Variants in TRPM1 observed in about 807,000 individuals in gnomAD.
The protein encoded by TRPM1 is transient receptor potential cation channel subfamily M member 1, also known as TRPM1-203 APA Isoform, Intron 10.
In TRPM1, 113 loss-of-function variants were observed where a neutral mutation model predicts 149.4. The ratio of observed to expected loss-of-function variants is 0.76; its 90% CI spans 0.65 to 0.88. TRPM1 has a LOEUF of 0.88. TRPM1 is among the 40% of genes least tolerant of loss of function. The pLI is 0.00. For synonymous variants in TRPM1, 741 were observed against 759.5 expected (o/e 0.98, Z 0.40); for missense variants, 1,976 against 2,038.7 (o/e 0.97, Z 0.59).
At chr15:31,035,856 G>T (rs185200967) in intron 20 of TRPM1, 182 bp from the exon 21 acceptor site, 2 of 812,142 alleles carry the variant, frequency 2.5e-6, no homozygotes, top group Non-Finnish European at 2.0e-6. Context: ...GAGGCAGGAC[G>T]GGAGGCATTT....
At chr15:31,035,762 T>C in intron 20 of TRPM1, 88 bp from the exon 21 acceptor site, 1 of 1,574,630 alleles carries the variant, frequency 6.4e-7, no homozygotes, top group Non-Finnish European at 8.7e-7. Flanking sequence ...GGTTGACACA[T>C]CTAAAAGAAT....
At chr15:31,091,504 A>T (rs900984239) in intron 1 of TRPM1, among the ~76,000 whole-genome samples, 2 of 152,162 alleles carry the variant, frequency 1.3e-5, no homozygotes, top group South Asian at 4.1e-4. Flanking sequence ...GAGACCCAGG[A>T]TGGGGCAGAT....
intron 25 of TRPM1, 121 bp downstream of exon 25, chr15:31,028,211 C>T (rs2032876252): frequency 2.3e-6 from 3 of 1,332,718 alleles, no homozygotes; most frequent in Non-Finnish European, 3.2e-6. Flanking sequence ...ATTGGATCTA[C>T]TTAAAAACCC....
At chr15:31,126,309 A>G (rs2035950822) in intron 1 of TRPM1, among the ~76,000 whole-genome samples, 1 of 152,214 alleles carries the variant, frequency 6.6e-6, no homozygotes, top group Non-Finnish European at 1.5e-5. Flanking sequence ...AGTTAACAAA[A>G]CTGACCAAAG....
intron 1 of TRPM1, among the ~76,000 whole-genome samples, chr15:31,153,999 T>C: frequency 6.6e-6 from 1 of 152,092 alleles, no homozygotes; most frequent in East Asian, 1.9e-4. Context: ...GTACTCAAAG[T>C]GTGTTCCAAG....
intron 7 of TRPM1, among the ~76,000 whole-genome samples, chr15:31,065,385 A>G (rs1249646196): frequency 6.6e-6 from 1 of 152,212 alleles, no homozygotes; most frequent in Non-Finnish European, 1.5e-5. Flanking sequence ...GGAAAAACAA[A>G]CTGCTCTTTC....
chr15:31,151,188 C>T (rs2141061922), intron 1 of TRPM1, among the ~76,000 whole-genome samples: 1 of 152,284 alleles, frequency 6.6e-6, no homozygotes, highest in Non-Finnish European at 1.5e-5. Flanking sequence ...CCAGGCGATA[C>T]CTCACAATGA....
At chr15:31,127,320 G>A (rs1031449887) in intron 1 of TRPM1, among the ~76,000 whole-genome samples, 2 of 152,180 alleles carry the variant, frequency 1.3e-5, no homozygotes, top group Admixed American at 6.5e-5. Context: ...ATTCAGAGTG[G>A]CCAAAGGCCT....
chr15:31,135,476 A>G (rs1389649707), intron 1 of TRPM1, among the ~76,000 whole-genome samples: 1 of 152,250 alleles, frequency 6.6e-6, no homozygotes, highest in Admixed American at 6.5e-5. Flanking sequence ...CTACCCAAGT[A>G]CATGCATATG....
At chr15:31,129,204 G>A (rs909245427) in intron 1 of TRPM1, among the ~76,000 whole-genome samples, 2 of 152,238 alleles carry the variant, frequency 1.3e-5, no homozygotes, top group African/African-American at 4.8e-5. Flanking sequence ...CAGGTCCCTT[G>A]TCCTGGAAGC....
chr15:31,050,591 C>T lies in TRPM1; in HGVS notation c.1264-9G>A. 1 of 1,614,032 alleles carries T rather than the reference C, an allele frequency of 6.2e-7. No homozygotes were observed. ...GCCAGGCTTCCCAGGGGCTGCAGTC[C>T]ACAGCAATCAGAGTTGGGAAATGGT... is the stretch of plus-strand genomic sequence containing the variant. On this transcript the variant is annotated splice_polypyrimidine_tract_variant and intron_variant, in intron 11 of 27. Transcript: ENST00000256552.
chr15:31,063,622 G>A (rs1487129643), intron 7 of TRPM1, among the ~76,000 whole-genome samples: 2 of 151,926 alleles, frequency 1.3e-5, no homozygotes, highest in Non-Finnish European at 2.9e-5. Context: ...CACCACACCT[G>A]GCTAATTTTT....
At chr15:31,052,770 A>C (rs964033856) in intron 11 of TRPM1, among the ~76,000 whole-genome samples, 2 of 152,156 alleles carry the variant, frequency 1.3e-5, no homozygotes, top group African/African-American at 4.8e-5. Context: ...AGTGAAACTC[A>C]ATCTCAAAAA....
At chr15:31,130,894 G>A (rs951287073) in intron 1 of TRPM1, among the ~76,000 whole-genome samples, 2 of 152,110 alleles carry the variant, frequency 1.3e-5, no homozygotes, top group East Asian at 1.9e-4. Flanking sequence ...TCTCCCGTAC[G>A]GCCAGCTCTG....
Position 31,143,965 on chromosome 15 carries a change from T to C in TRPM1, c.54+16941A>G, listed in dbSNP as rs2141054605. ...ATACAATTAGAAACATTGGTTATACTACCAAGGCTTTGACTGGAATGTCAT... is the reference window on the plus strand; with the variant it reads ...ATACAATTAGAAACATTGGTTATACCACCAAGGCTTTGACTGGAATGTCAT... On this transcript the variant is annotated intron_variant, in intron 1 of 26. Coordinates refer to the TRPM1 transcript ENST00000542188. Among the ~76,000 whole-genome samples, 2 of 152,370 alleles carry C rather than the reference T, an allele frequency of 1.3e-5. 1 individual carries two copies. Among genetic ancestry groups the C allele is most frequent in the South Asian group, 4.1e-4 (2 of 4,834 alleles).
Position 31,141,366 on chromosome 15 carries a change from A to C in TRPM1, c.54+19540T>G, listed in dbSNP as rs74013303. Reference sequence around the variant, plus strand: ...GTAATTCTGTACACAAAGTGTATTAAAAAAGTAAGATGTGTTTTTGGTGAG... The same window carrying C: ...GTAATTCTGTACACAAAGTGTATTACAAAAGTAAGATGTGTTTTTGGTGAG... On this transcript the variant is annotated intron_variant, in intron 1 of 26. Transcript: ENST00000542188. 3.9e-3 allele frequency among the ~76,000 whole-genome samples: 588 copies of C among 152,286 alleles called. 2 individuals carry two copies. Among genetic ancestry groups the C allele is most frequent in the Middle Eastern group, 0.017 (5 of 294 alleles).
chr15:31,081,596 GCTCTGTT>G (rs1398704657), intron 1 of TRPM1, among the ~76,000 whole-genome samples, 158 bp from the exon 2 acceptor site: 2 of 151,572 alleles, frequency 1.3e-5, no homozygotes, highest in Non-Finnish European at 2.9e-5. Context: ...CAACCCCTGC[GCTCTGTT>G]CTCCATAAAC....
intron 1 of TRPM1, among the ~76,000 whole-genome samples, chr15:31,159,219 C>T (rs889643251): frequency 2.0e-4 from 30 of 152,180 alleles, no homozygotes; most frequent in African/African-American, 7.2e-4. Context: ...AAGTGATTCT[C>T]CCCTCCTCCC....
intron 16 of TRPM1, among the ~76,000 whole-genome samples, chr15:31,042,518 A>T (rs2033652788): frequency 6.6e-6 from 1 of 152,236 alleles, no homozygotes; most frequent in East Asian, 1.9e-4. Flanking sequence ...CCTTTAACTG[A>T]GGCGACGCTG....
Sources: allele counts gnomAD v4.1 joint callset (sites outside exome capture counted in the v4.1 genomes callset), GRCh38; gene constraint gnomAD v4.1.1; transcripts MANE v1.5; gene names NCBI Gene and HGNC (gene_info 2026-07-23, HGNC 2026-07-21).